The following KDM5A variants were observed in gnomAD, a reference collection of about 807,000 sequenced individuals.
KDM5A encodes lysine-specific demethylase 5A.
Under a neutral mutation model 193.5 loss-of-function variants are expected in KDM5A, and 42 were observed. The observed-to-expected ratio is 0.22, with a 90% CI of 0.17 to 0.28. The LOEUF is 0.28. KDM5A is among the 10% of genes least tolerant of loss of function. KDM5A has a pLI of 1.00. For synonymous variants in KDM5A, 796 were observed against 718.1 expected (o/e 1.11, Z -1.73); for missense variants, 1,692 against 2,055.1 (o/e 0.82, Z 3.42).
At chr12:317,664 C>A (rs919228717) in intron 19 of KDM5A, among the ~76,000 whole-genome samples, 10 of 152,222 alleles carry the variant, frequency 6.6e-5, no homozygotes, top group African/African-American at 2.4e-4. Context: ...AATGTCATCA[C>A]AGAAAACCAG....
chr12:322,198 T>C (rs1943725639), intron 17 of KDM5A: 2 of 564,692 alleles, frequency 3.5e-6, no homozygotes, highest in Non-Finnish European at 6.3e-6. Flanking sequence ...AAAATGTGCC[T>C]GCTATGTATG....
chr12:337,104 T>G (rs1258705950), intron 10 of KDM5A, among the ~76,000 whole-genome samples: 1 of 152,156 alleles, frequency 6.6e-6, no homozygotes, highest in Non-Finnish European at 1.5e-5. Context: ...GAGATCTGGT[T>G]GTTTAAAAGT....
chr12:325,586 T>C (rs1488420297), intron 14 of KDM5A, among the ~76,000 whole-genome samples: 1 of 152,138 alleles, frequency 6.6e-6, no homozygotes, highest in Non-Finnish European at 1.5e-5. Flanking sequence ...TGACGCAGAA[T>C]TGCTTGAACC....
intron 20 of KDM5A, among the ~76,000 whole-genome samples, chr12:312,678 ATTG>A (rs1376101429): frequency 3.3e-5 from 5 of 152,234 alleles, no homozygotes. Context: ...AGGTGAAAAT[ATTG>A]TAATTTGAAA....
intron 10 of KDM5A, among the ~76,000 whole-genome samples, chr12:338,003 TA>T (rs1466344819): frequency 6.6e-6 from 1 of 152,190 alleles, no homozygotes; most frequent in Admixed American, 6.5e-5. Flanking sequence ...CAAAATTGCA[TA>T]ATAAATTCCC....
intron 24 of KDM5A, among the ~76,000 whole-genome samples, chr12:305,436 T>C (rs1484555692): frequency 1.3e-5 from 2 of 152,110 alleles, no homozygotes; most frequent in African/African-American, 2.4e-5. Flanking sequence ...TAATTTTATA[T>C]CCTAGGAGTT....
Position 352,224 on chromosome 12 carries a change from T to C in KDM5A, c.1130A>G (p.Tyr377Cys). ...ACTCACATGGACTGGCATATTAAAA[T>C]AATCAGACTTAAAATTATCTGCCAT... ...GEMADNFKSD[Y>C]FNMPVHMVPT... Residue 377 changes from tyrosine (Y) to cysteine (C), a missense_variant, in exon 9 of 28, where the codon TAT becomes TGT. Coordinates refer to ENST00000399788, the MANE Select transcript of KDM5A (RefSeq NM_001042603.3). 1 of 1,597,898 alleles carries C rather than the reference T, an allele frequency of 6.3e-7. No homozygotes were observed. Among genetic ancestry groups the C allele is most frequent in the Non-Finnish European group, 8.5e-7 (1 of 1,170,324 alleles).
intron 10 of KDM5A, among the ~76,000 whole-genome samples, chr12:342,852 G>A (rs926339818): frequency 6.6e-6 from 1 of 151,462 alleles, no homozygotes; most frequent in Non-Finnish European, 1.5e-5. Context: ...ACAGCTTCCA[G>A]CGTGCTCAAC....
chr12:379,296 G>C (rs1401659210), intron 3 of KDM5A, among the ~76,000 whole-genome samples: 2 of 152,034 alleles, frequency 1.3e-5, no homozygotes, highest in African/African-American at 4.8e-5. Flanking sequence ...TTCAGCCCAA[G>C]CCTCTTGCTA....
intron 27 of KDM5A, among the ~76,000 whole-genome samples, chr12:291,937 T>C (rs1275696065): frequency 4.6e-5 from 7 of 151,252 alleles, no homozygotes; most frequent in Non-Finnish European, 5.9e-5. Flanking sequence ...AGTTTTGCTC[T>C]TGTGGCCCAG....
chr12:356,281 G>T (rs942827107), intron 6 of KDM5A, 151 bp downstream of exon 6: 2 of 645,818 alleles, frequency 3.1e-6, no homozygotes, highest in Non-Finnish European at 5.5e-6. Context: ...AAGAGATCTG[G>T]CATTAAAAAA....
At chr12:329,704 C>A (rs1284806338) in intron 13 of KDM5A, among the ~76,000 whole-genome samples, 4 of 152,012 alleles carry the variant, frequency 2.6e-5, no homozygotes, top group Non-Finnish European at 5.9e-5. Context: ...AATAACTGAT[C>A]ACTTTTCATA....
intron 21 of KDM5A, 99 bp from the exon 22 acceptor site, chr12:310,063 C>A: frequency 1.6e-6 from 2 of 1,266,204 alleles, no homozygotes; most frequent in East Asian, 2.4e-5. Flanking sequence ...AACCATGTCC[C>A]ACGCACTTTC....
chr12:383,010 A>G lies in KDM5A; in HGVS notation c.366+1021T>C, dbSNP rs139536379. On this transcript the variant is annotated intron_variant, in intron 3 of 27. Transcript: ENST00000399788. ...TCAGTTAGTTTTTTTTTTTCACATT[A>G]GGGAATATAATGTTAAAAAATTAAC... Among the ~76,000 whole-genome samples the G allele has an allele frequency of 2.4e-3, 361 of 151,834 alleles. 1 individual carries two copies. The highest frequency in any genetic ancestry group is 6.8e-3 in the Middle Eastern group (2 of 294).
Position 323,210 on chromosome 12 carries a change from C to CAAAAAGAAAAAAAAAAAAA in KDM5A, c.2151-5_2151-4insTTTTTTTTTTTTTCTTTTT. Reference sequence around the variant, plus strand: ...GTCTTCTAATGGGTAGCGATATCTACAAAAAAAAAAAAAAAAAAAAAAAAA... The same window carrying CAAAAAGAAAAAAAAAAAAA: ...GTCTTCTAATGGGTAGCGATATCTACAAAAAGAAAAAAAAAAAAAAAAAAAAAAAAAAAAAAAAAAAAAA... On this transcript the variant is annotated splice_polypyrimidine_tract_variant and splice_region_variant and intron_variant, in intron 15 of 27. Transcript: ENST00000399788. The CAAAAAGAAAAAAAAAAAAA allele has an allele frequency of 3.4e-6, 1 of 294,574 alleles. No homozygotes were observed. Among genetic ancestry groups the CAAAAAGAAAAAAAAAAAAA allele is most frequent in the Non-Finnish European group, 4.8e-6 (1 of 209,434 alleles). 18.2% of individuals were successfully genotyped at this position (294,574 alleles called of 1,614,324 possible).
intron 27 of KDM5A, among the ~76,000 whole-genome samples, chr12:288,219 T>C (rs1221877877): frequency 6.6e-6 from 1 of 152,176 alleles, no homozygotes; most frequent in Non-Finnish European, 1.5e-5. Context: ...ACAGATGATT[T>C]TGACACAGGG....
intron 1 of KDM5A, chr12:388,205 C>T (rs1202830844): frequency 4.5e-6 from 2 of 445,206 alleles, no homozygotes; most frequent in Non-Finnish European, 9.0e-6. Flanking sequence ...ATCCCCTCCA[C>T]ACAAGGGATA....
At chr12:332,950 G>A (rs750065810) in intron 12 of KDM5A, 8 of 160,878 alleles carry the variant, frequency 5.0e-5, no homozygotes, top group Non-Finnish European at 1.1e-4. Context: ...ATATGAATAG[G>A]TAGCTGTACA....
chr12:383,897 C>T (rs959866771), intron 3 of KDM5A, 134 bp downstream of exon 3: 34 of 962,946 alleles, frequency 3.5e-5, no homozygotes, highest in East Asian at 1.5e-4. Flanking sequence ...TACAGGCATG[C>T]GCCACCATAC....
Sources: allele counts gnomAD v4.1 joint callset (sites outside exome capture counted in the v4.1 genomes callset), GRCh38; gene constraint gnomAD v4.1.1; transcripts MANE v1.5; gene names NCBI Gene and HGNC (gene_info 2026-07-23, HGNC 2026-07-21).